Variants in CALN1 observed in about 807,000 individuals in gnomAD.
The protein encoded by CALN1 is calcium-binding protein 8.
In CALN1, 17 loss-of-function variants were observed where a neutral mutation model predicts 30.6. The observed-to-expected ratio is 0.56, with a 90% CI of 0.38 to 0.83. The LOEUF (loss-of-function observed/expected upper bound fraction) is 0.83. CALN1 is among the 40% of genes least tolerant of loss of function. The probability of loss-of-function intolerance (pLI) is 0.00; values close to 1 mark genes in which losing one functional copy is unlikely to be tolerated. For missense variants in CALN1, 291 were observed against 354.9 expected (o/e 0.82, Z 1.45); for synonymous variants, 156 against 131.4 (o/e 1.19, Z -1.28).
At chr7:72,128,868 G>C (rs111287107) in intron 3 of CALN1, among the ~76,000 whole-genome samples, 3 of 152,264 alleles carry the variant, frequency 2.0e-5, no homozygotes, top group African/African-American at 4.8e-5. Flanking sequence ...GCAAAACTCT[G>C]TCTCAAGATA....
intron 3 of CALN1, among the ~76,000 whole-genome samples, chr7:72,186,495 G>A (rs1790198249): frequency 6.6e-6 from 1 of 152,132 alleles, no homozygotes; most frequent in Admixed American, 6.6e-5. Flanking sequence ...GCATGATGCT[G>A]AGATTTGGTG....
intron 3 of CALN1, among the ~76,000 whole-genome samples, chr7:72,158,680 G>A (rs544375906): frequency 6.6e-6 from 1 of 152,258 alleles, no homozygotes; most frequent in East Asian, 1.9e-4. Context: ...ATGTGTATCT[G>A]CAAGTCGTGC....
At chr7:72,410,973 TATG>T (rs1296067494) in intron 1 of CALN1, among the ~76,000 whole-genome samples, 1 of 152,198 alleles carries the variant, frequency 6.6e-6, no homozygotes, top group Non-Finnish European at 1.5e-5. Context: ...TTTAAGGTGA[TATG>T]ATTATATGTA....
At chr7:72,387,721 C>G (rs1248020585) in intron 2 of CALN1, among the ~76,000 whole-genome samples, 1 of 152,114 alleles carries the variant, frequency 6.6e-6, no homozygotes, top group African/African-American at 2.4e-5. Context: ...TAAGAAAAGT[C>G]TGAGAAACTG....
chr7:72,352,372 G>C (rs1802970184), intron 2 of CALN1, among the ~76,000 whole-genome samples: 1 of 130,034 alleles, frequency 7.7e-6, no homozygotes, highest in South Asian at 2.7e-4. Flanking sequence ...CTGGGTGACA[G>C]AGTGAGACTC....
Position 72,196,565 on chromosome 7 carries a change from C to T in CALN1, c.244+82121G>A, listed in dbSNP as rs577184888. On this transcript the variant is annotated intron_variant, in intron 3 of 6. Transcript: ENST00000395275. ...TGTGAACAGCTCAATCAAGCTGTTA[C>T]CAAAAAAGAAAAAGATGTCATATGT... is the stretch of plus-strand genomic sequence containing the variant. Among the ~76,000 whole-genome samples the T allele has an allele frequency of 3.3e-5, 5 of 151,754 alleles. No individual in the cohort carries two copies. In the South Asian group the frequency reaches 1.0e-3, roughly 32 times the overall value.
the CALN1 span, among the ~76,000 whole-genome samples, chr7:72,462,533 G>A: frequency 6.6e-6 from 1 of 152,152 alleles, no homozygotes; most frequent in African/African-American, 2.4e-5. Flanking sequence ...TGCTGGGAAT[G>A]ACTGATGAGG....
At chr7:71,926,059 C>T (rs1414158328) in intron 5 of CALN1, among the ~76,000 whole-genome samples, 1 of 152,134 alleles carries the variant, frequency 6.6e-6, no homozygotes, top group East Asian at 1.9e-4. Flanking sequence ...CAACTCAGAT[C>T]GTGGTCCCTC....
intron 2 of CALN1, among the ~76,000 whole-genome samples, chr7:72,326,061 C>T (rs1294889479): frequency 1.3e-5 from 2 of 152,150 alleles, no homozygotes; most frequent in Admixed American, 6.5e-5. Flanking sequence ...CGCCACCACG[C>T]CTGGCTAAAT....
At chr7:72,374,627 C>T (rs1158092631) in intron 2 of CALN1, among the ~76,000 whole-genome samples, 1 of 149,960 alleles carries the variant, frequency 6.7e-6, no homozygotes, top group Non-Finnish European at 1.5e-5. Context: ...CTGCACCAAA[C>T]TTCAAACAAA....
chr7:71,935,777 G>T (rs1196517771), intron 5 of CALN1, among the ~76,000 whole-genome samples: 2 of 152,176 alleles, frequency 1.3e-5, no homozygotes, highest in African/African-American at 4.8e-5. Context: ...CCAGGGCACT[G>T]CTTTTCATTT....
intron 5 of CALN1, among the ~76,000 whole-genome samples, chr7:72,000,254 A>G (rs1799460701): frequency 1.3e-5 from 2 of 152,150 alleles, no homozygotes; most frequent in South Asian, 4.1e-4. Context: ...TTTTTCAAAA[A>G]AAAAGAATAA....
chr7:72,367,853 G>T (rs574550941), intron 2 of CALN1, among the ~76,000 whole-genome samples: 1 of 151,838 alleles, frequency 6.6e-6, no homozygotes, highest in African/African-American at 2.4e-5. Context: ...ATATATATAG[G>T]CCGGGTCCAG....
rs147112321 is a variant in CALN1, at chr7:72,096,399, C to T, written c.388+9752G>A. On this transcript the variant is annotated intron_variant, in intron 4 of 6. Coordinates refer to ENST00000395275, the MANE Select transcript of CALN1 (RefSeq NM_031468.4). The stretch of plus-strand genomic sequence containing the variant: ...TCTTGCTCCTGCAAATATCCACAAG[C>T]TCAATGACTTCTCTGTAGCCAAAGA... Among the ~76,000 whole-genome samples, 206 of 152,336 alleles carry T rather than the reference C, an allele frequency of 1.4e-3. 1 individual carries two copies. Among genetic ancestry groups the T allele is most frequent in the African/African-American group, 4.7e-3 (197 of 41,580 alleles).
chr7:71,816,992 G>T (rs771052349), intron 5 of CALN1, among the ~76,000 whole-genome samples: 50 of 152,074 alleles, frequency 3.3e-4, no homozygotes, highest in African/African-American at 1.2e-3. Flanking sequence ...CTATAGTTTT[G>T]GAGATCTGGG....
At chr7:71,916,004 C>A (rs901705943) in intron 5 of CALN1, among the ~76,000 whole-genome samples, 1 of 152,152 alleles carries the variant, frequency 6.6e-6, no homozygotes, top group South Asian at 2.1e-4. Flanking sequence ...AAGACAATAG[C>A]ATTCTTCCTC....
intron 3 of CALN1, among the ~76,000 whole-genome samples, chr7:72,178,415 A>T (rs1789521682): frequency 6.6e-6 from 1 of 152,200 alleles, no homozygotes; most frequent in African/African-American, 2.4e-5. Context: ...TCCTTGGGCC[A>T]GGAGCGGTGG....
chr7:72,110,492 C>G (rs1481650416), intron 3 of CALN1, among the ~76,000 whole-genome samples: 1 of 152,192 alleles, frequency 6.6e-6, no homozygotes, highest in East Asian at 1.9e-4. Flanking sequence ...CACACATCAG[C>G]TCAGGGTTCT....
intron 6 of CALN1, among the ~76,000 whole-genome samples, chr7:71,796,383 G>A (rs368096651): frequency 1.6e-3 from 227 of 140,854 alleles, no homozygotes; most frequent in Non-Finnish European, 2.4e-3. Context: ...TTTTTGAGAC[G>A]GAGTCTCACA....
Sources: gnomAD v4.1 joint callset for allele counts (sites outside exome capture counted in the v4.1 genomes callset) on GRCh38, gnomAD v4.1.1 for gene constraint, MANE v1.5 for transcripts, NCBI Gene and HGNC (gene_info 2026-07-23, HGNC 2026-07-21) for gene names.